Variants in SLC27A2 observed in about 807,000 individuals in gnomAD.
The protein encoded by SLC27A2 is long-chain fatty acid transport protein 2.
Under a neutral mutation model 60.0 loss-of-function variants are expected in SLC27A2, and 54 were observed. The ratio of observed to expected loss-of-function variants is 0.90; its 90% CI spans 0.72 to 1.13. The LOEUF (loss-of-function observed/expected upper bound fraction) is 1.13. Ranked by LOEUF, SLC27A2 falls within the 50% of genes most tolerant of loss-of-function variation. SLC27A2 has a pLI of 0.00. For missense variants in SLC27A2, 739 were observed against 777.6 expected (o/e 0.95, Z 0.59); for synonymous variants, 297 against 297.6 (o/e 1.00, Z 0.02).
At chr15:50,211,512 G>A (rs950303563) in intron 4 of SLC27A2, among the ~76,000 whole-genome samples, 2 of 152,140 alleles carry the variant, frequency 1.3e-5, no homozygotes, top group Non-Finnish European at 2.9e-5. Context: ...ATCTGACAGA[G>A]CCTACCCAAA....
chr15:50,215,309 C>T (rs1425629739), intron 4 of SLC27A2, among the ~76,000 whole-genome samples: 1 of 152,004 alleles, frequency 6.6e-6, no homozygotes. Context: ...TGAAAGTAAT[C>T]ATAAACTAAA....
chr15:50,199,199 T>A (rs1181401224), intron 2 of SLC27A2, among the ~76,000 whole-genome samples: 1 of 152,178 alleles, frequency 6.6e-6, no homozygotes, highest in Non-Finnish European at 1.5e-5. Context: ...TTACAATGCA[T>A]GTTTTCACAG....
chr15:50,227,074 A>T lies in SLC27A2; in HGVS notation c.1353A>T (p.Arg451Ser), dbSNP rs1314513284. The stretch of plus-strand genomic sequence containing the variant: ...CTCAGACAGAGAAGAAAAAACTGAG[A>T]GATGTCTTTAAGAAAGGAGACCTCT... ...AKAQTEKKKL[R>S]DVFKKGDLYF... is the part of the protein sequence containing the mutation. Residue 451 changes from arginine (R) to serine (S), a missense_variant, in exon 7 of 10, where the codon AGA (arginine) becomes AGT (serine). Transcript: ENST00000267842. 3 of 1,614,162 alleles carry T rather than the reference A, an allele frequency of 1.9e-6. No homozygotes were observed. In the East Asian group the frequency reaches 6.7e-5, roughly 36 times the overall value.
At chr15:50,216,813 A>G (rs1056466735) in intron 4 of SLC27A2, among the ~76,000 whole-genome samples, 30 of 138,012 alleles carry the variant, frequency 2.2e-4, no homozygotes, top group African/African-American at 7.8e-4. Flanking sequence ...CAAAATATAT[A>G]TATTTTATGG....
chr15:50,202,688 C>T (rs1490541656), intron 3 of SLC27A2, 43 bp downstream of exon 3: 3 of 1,596,096 alleles, frequency 1.9e-6, no homozygotes, highest in Non-Finnish European at 2.6e-6. Context: ...TGCACATTTA[C>T]ATTTTCCCAG....
chr15:50,200,649 C>T (rs2140901370), intron 2 of SLC27A2, among the ~76,000 whole-genome samples: 1 of 152,304 alleles, frequency 6.6e-6, no homozygotes, highest in Admixed American at 6.5e-5. Context: ...TGTTTACCCA[C>T]TCAGATCTTA....
At chr15:50,225,265 A>C (rs762206594) in intron 5 of SLC27A2, among the ~76,000 whole-genome samples, 2 of 152,152 alleles carry the variant, frequency 1.3e-5, no homozygotes, top group Admixed American at 1.3e-4. Context: ...TCATGTTTGC[A>C]TTTTTCTTCC....
chr15:50,236,158 T>G lies in SLC27A2; in HGVS notation c.*62T>G. ...AAACTGAATGGACAGCCACTTGATA[T>G]AATCCAACTTTAATTTGATTGAAGA... On this transcript the variant is annotated 3_prime_UTR_variant, in exon 10 of 10. Transcript: ENST00000267842. The G allele has an allele frequency of 7.4e-7, 1 of 1,354,916 alleles. No individual in the cohort carries two copies. The highest frequency in any genetic ancestry group is 1.0e-6 in the Non-Finnish European group (1 of 1,002,128). 83.9% of individuals were successfully genotyped at this position (1,354,916 alleles called of 1,614,324 possible).
In SLC27A2 at chr15:50,227,183, G is replaced by C; in HGVS notation, c.1457+5G>C. On this transcript the variant is annotated splice_donor_5th_base_variant and intron_variant, in intron 7 of 9. Transcript: ENST00000267842. ...CAGAGTTGGAGATACATTCCGGTTG[G>C]TTTTTCTGAATCATTGAGCCAAAAA... 1 of 1,612,178 alleles carries C rather than the reference G, an allele frequency of 6.2e-7. No homozygotes were observed. The highest frequency in any genetic ancestry group is 8.5e-7 in the Non-Finnish European group (1 of 1,178,832).
At chr15:50,211,169 G>T (rs1595687403) in intron 4 of SLC27A2, among the ~76,000 whole-genome samples, 1 of 152,186 alleles carries the variant, frequency 6.6e-6, no homozygotes. Flanking sequence ...CTCCTGGCAG[G>T]AGGCCAACAG....
At chr15:50,186,843 AT>A (rs1329347408) in intron 1 of SLC27A2, among the ~76,000 whole-genome samples, 7 of 152,084 alleles carry the variant, frequency 4.6e-5, no homozygotes, top group East Asian at 1.9e-4. Context: ...GAACCCAAAT[AT>A]TTTTTTCTCA....
intron 2 of SLC27A2, among the ~76,000 whole-genome samples, chr15:50,199,030 C>CTT (rs5812506): frequency 3.1e-4 from 46 of 148,638 alleles, no homozygotes; most frequent in East Asian, 5.9e-4. Context: ...TAATGTCTAT[C>CTT]TTTTTTTTTT....
At chr15:50,208,244 C>T (rs528462869) in intron 4 of SLC27A2, among the ~76,000 whole-genome samples, 14 of 152,310 alleles carry the variant, frequency 9.2e-5, no homozygotes, top group African/African-American at 3.4e-4. Flanking sequence ...TCTTCTTAAC[C>T]ATATTCAGTA....
intron 4 of SLC27A2, among the ~76,000 whole-genome samples, chr15:50,206,466 C>T (rs1010632479): frequency 2.6e-5 from 4 of 152,142 alleles, no homozygotes; most frequent in Non-Finnish European, 4.4e-5. Flanking sequence ...TGCCGTGTGA[C>T]GCAGAAAGAA....
At chr15:50,196,074 AAAAATATATATATATATATAT>A (rs2045017472) in intron 1 of SLC27A2, among the ~76,000 whole-genome samples, 1 of 16,308 alleles carries the variant, frequency 6.1e-5, no homozygotes, top group African/African-American at 2.1e-4. Context: ...AAAAAAAAAA[AAAAATATATATATATATATAT>A]ATATATATAT....
chr15:50,197,006 G>A lies in SLC27A2; in HGVS notation c.479-494G>A, dbSNP rs542847364. On this transcript the variant is annotated intron_variant, in intron 1 of 9. Coordinates refer to ENST00000267842, the MANE Select transcript of SLC27A2 (RefSeq NM_003645.4). Reference sequence around the variant, plus strand: ...AGGAATAGCCAAATTTATTTCTGGAGTATATTTAGATATACATCAGTTACA... The same window carrying A: ...AGGAATAGCCAAATTTATTTCTGGAATATATTTAGATATACATCAGTTACA... 2.4e-4 allele frequency among the ~76,000 whole-genome samples: 37 copies of A among 152,068 alleles called. No homozygotes were observed. In the South Asian group the frequency reaches 5.0e-3, roughly 21 times the overall value.
chr15:50,227,409 G>T (rs1205395704), intron 7 of SLC27A2, among the ~76,000 whole-genome samples: 19 of 152,224 alleles, frequency 1.2e-4, no homozygotes, highest in Non-Finnish European at 1.5e-5. Flanking sequence ...CAGGAAACCT[G>T]TATCTGATTT....
chr15:50,225,841 GTC>G (rs1026251378), intron 5 of SLC27A2, 145 bp from the exon 6 acceptor site: 29 of 494,024 alleles, frequency 5.9e-5, no homozygotes, highest in Non-Finnish European at 9.3e-5. Context: ...AGTTTTCTCT[GTC>G]TCTCTCTGGG....
At chr15:50,185,911 G>A (rs935036651) in intron 1 of SLC27A2, among the ~76,000 whole-genome samples, 1 of 151,818 alleles carries the variant, frequency 6.6e-6, no homozygotes, top group African/African-American at 2.4e-5. Flanking sequence ...TTACAGGCGT[G>A]AGCCACCACG....
Sources: gnomAD v4.1 joint callset for allele counts (sites outside exome capture counted in the v4.1 genomes callset) on GRCh38, gnomAD v4.1.1 for gene constraint, MANE v1.5 for transcripts, NCBI Gene and HGNC (gene_info 2026-07-23, HGNC 2026-07-21) for gene names.